The following SYN3 variants were observed in gnomAD, a reference collection of about 807,000 sequenced individuals.
SYN3 encodes synapsin-3.
In SYN3, 35 loss-of-function variants were observed where a neutral mutation model predicts 65.8. The ratio of observed to expected loss-of-function variants is 0.53; its 90% CI spans 0.41 to 0.70. The LOEUF (loss-of-function observed/expected upper bound fraction) is 0.70. Among genes scored for constraint, SYN3 ranks in the 30% least tolerant of loss-of-function variants. The pLI is 0.00. For missense variants in SYN3, 680 were observed against 749.0 expected (o/e 0.91, Z 1.08); for synonymous variants, 270 against 292.9 (o/e 0.92, Z 0.80).
At chr22:32,729,321 C>T (rs992395382) in intron 6 of SYN3, among the ~76,000 whole-genome samples, 6 of 152,308 alleles carry the variant, frequency 3.9e-5, no homozygotes, top group Admixed American at 3.9e-4. Flanking sequence ...GGGGCAAAAG[C>T]GTGATCCCGA....
chr22:32,586,259 C>T (rs1288708427), intron 7 of SYN3, among the ~76,000 whole-genome samples: 2 of 152,144 alleles, frequency 1.3e-5, no homozygotes, highest in Non-Finnish European at 2.9e-5. Context: ...TAAGTGAATA[C>T]TGACCCATTG....
intron 9 of SYN3, among the ~76,000 whole-genome samples, 172 bp downstream of exon 9, chr22:32,537,864 C>T (rs2058190931): frequency 6.6e-6 from 1 of 152,202 alleles, no homozygotes; most frequent in African/African-American, 2.4e-5. Flanking sequence ...TTAATACCTG[C>T]CCTGTAGGTT....
intron 6 of SYN3, among the ~76,000 whole-genome samples, chr22:32,764,414 C>T (rs2045569991): frequency 6.6e-6 from 1 of 152,178 alleles, no homozygotes; most frequent in Non-Finnish European, 1.5e-5. Context: ...GAGAAGCCGG[C>T]AAAGACTGCG....
At chr22:32,576,175 T>C (rs1180618174) in intron 7 of SYN3, among the ~76,000 whole-genome samples, 3 of 152,102 alleles carry the variant, frequency 2.0e-5, no homozygotes, top group African/African-American at 7.2e-5. Flanking sequence ...CTCCCAAGTA[T>C]TCCTGATTCC....
At position 32,676,682 on chromosome 22, in the gene SYN3, A is replaced by G. The variant is rs1375437141; in HGVS notation, c.712-79946T>C. On this transcript the variant is annotated intron_variant, in intron 6 of 13. Transcript: ENST00000358763. ...CCCCCGAGTAGCTGGGACTACAGGCACCCACCACCACTCCCGGTTAATTTT... is the reference window on the plus strand; with the variant it reads ...CCCCCGAGTAGCTGGGACTACAGGCGCCCACCACCACTCCCGGTTAATTTT... 2.8e-5 allele frequency among the ~76,000 whole-genome samples: 4 copies of G among 145,388 alleles called. No individual in the cohort carries two copies. The East Asian group carries it at 6.0e-4, about 22-fold the overall frequency.
intron 6 of SYN3, among the ~76,000 whole-genome samples, chr22:32,836,642 T>C (rs1249285287): frequency 2.6e-5 from 4 of 152,172 alleles, no homozygotes; most frequent in Non-Finnish European, 4.4e-5. Flanking sequence ...TGTTCCTACC[T>C]GAGTGCCCAC....
At chr22:32,647,441 TTTTC>T (rs949977767) in intron 6 of SYN3, among the ~76,000 whole-genome samples, 3 of 150,220 alleles carry the variant, frequency 2.0e-5, no homozygotes, top group Non-Finnish European at 3.0e-5. Flanking sequence ...GCTTTGAGAT[TTTTC>T]TTTTTCTTTT....
At chr22:32,632,262 G>A (rs1383201705) in intron 6 of SYN3, among the ~76,000 whole-genome samples, 2 of 152,222 alleles carry the variant, frequency 1.3e-5, no homozygotes, top group Non-Finnish European at 2.9e-5. Flanking sequence ...GTTAGGAAAA[G>A]AGACTTGAAC....
At chr22:32,961,691 G>T (rs185391790) in intron 3 of SYN3, among the ~76,000 whole-genome samples, 2 of 152,352 alleles carry the variant, frequency 1.3e-5, no homozygotes, top group South Asian at 4.1e-4. Flanking sequence ...TAATGAGGCC[G>T]CCCCTCAGCT....
chr22:33,015,740 A>C (rs1486376504), intron 1 of SYN3, among the ~76,000 whole-genome samples: 1 of 152,152 alleles, frequency 6.6e-6, no homozygotes, highest in Non-Finnish European at 1.5e-5. Context: ...AATACACTTA[A>C]TCTTGTAACT....
intron 3 of SYN3, among the ~76,000 whole-genome samples, chr22:32,938,686 G>A (rs1601736504): frequency 6.6e-6 from 1 of 152,284 alleles, no homozygotes; most frequent in East Asian, 1.9e-4. Context: ...CAGCACTTTG[G>A]GAGGCCAAGA....
intron 4 of SYN3, among the ~76,000 whole-genome samples, chr22:32,890,750 TA>T (rs2049423293): frequency 6.6e-6 from 1 of 152,158 alleles, no homozygotes; most frequent in Admixed American, 6.5e-5. Context: ...TGTTTATATC[TA>T]CTGCTTATTT....
chr22:32,877,869 T>G (rs114850255), intron 4 of SYN3, among the ~76,000 whole-genome samples: 5,240 of 152,254 alleles, frequency 0.034, 115 homozygotes, highest in Non-Finnish European at 0.042. Context: ...TTCAGGGACT[T>G]CCCTTACCTT....
chr22:32,863,991 C>T (rs1463740893), intron 6 of SYN3, among the ~76,000 whole-genome samples: 4 of 152,134 alleles, frequency 2.6e-5, no homozygotes, highest in African/African-American at 9.7e-5. Flanking sequence ...CGATCAGATA[C>T]AGGGGAAAGA....
intron 6 of SYN3, among the ~76,000 whole-genome samples, chr22:32,736,375 T>A (rs1014279626): frequency 1.3e-5 from 2 of 152,246 alleles, no homozygotes; most frequent in Non-Finnish European, 2.9e-5. Context: ...TTGCTCAGCA[T>A]GAAGTTTTTG....
At position 32,556,822 on chromosome 22, in the gene SYN3, T is replaced by G. The variant is rs1323714889; in HGVS notation, c.775-15109A>C. Among the ~76,000 whole-genome samples, 15 of 132,038 alleles carry G rather than the reference T, an allele frequency of 1.1e-4. 1 individual carries two copies. The highest frequency in any genetic ancestry group is 2.8e-4 in the South Asian group (1 of 3,630). The allele number at this position is 132,038 out of a possible 152,430, so 86.6% of individuals were successfully genotyped here. On this transcript the variant is annotated intron_variant, in intron 7 of 13. Coordinates refer to ENST00000358763, the MANE Select transcript of SYN3 (RefSeq NM_003490.4). ...TTTCCTGGTTTTTTTTTTTTTTTTTTTTTTTTTTTTTTTGTGTGTAGAGAT... is the reference window on the plus strand; with the variant it reads ...TTTCCTGGTTTTTTTTTTTTTTTTTGTTTTTTTTTTTTTGTGTGTAGAGAT...
intron 3 of SYN3, among the ~76,000 whole-genome samples, chr22:32,937,935 A>G (rs1022111144): frequency 8.5e-5 from 13 of 152,228 alleles, no homozygotes; most frequent in Non-Finnish European, 1.2e-4. Flanking sequence ...AGTCTCAGTA[A>G]GAGAAGAGGT....
At chr22:32,934,608 T>C (rs934716476) in intron 3 of SYN3, among the ~76,000 whole-genome samples, 5 of 152,340 alleles carry the variant, frequency 3.3e-5, no homozygotes, top group Admixed American at 2.0e-4. Context: ...CCCTTCAAGA[T>C]AGCTTGATAG....
At chr22:33,019,233 GAA>G (rs1227387341) in intron 1 of SYN3, among the ~76,000 whole-genome samples, 2 of 152,220 alleles carry the variant, frequency 1.3e-5, no homozygotes. Context: ...CATGCAGGAT[GAA>G]ACTCTTCTAA....
Sources: allele counts gnomAD v4.1 joint callset (sites outside exome capture counted in the v4.1 genomes callset), GRCh38; gene constraint gnomAD v4.1.1; transcripts MANE v1.5; gene names NCBI Gene and HGNC (gene_info 2026-07-23, HGNC 2026-07-21).